The following ASXL1 variants were observed in gnomAD, a reference collection of about 807,000 sequenced individuals.
ASXL1 encodes the protein polycomb group protein ASXL1.
A neutral mutation model predicts 89.1 loss-of-function variants in ASXL1; 65 were observed. That is an observed-to-expected ratio of 0.73 (90% CI 0.60 to 0.90). The LOEUF (loss-of-function observed/expected upper bound fraction) is 0.90. Ranked by LOEUF, ASXL1 falls within the 40% of genes least tolerant of loss-of-function variation. The probability of loss-of-function intolerance (pLI) is 0.00; values close to 1 mark genes in which losing one functional copy is unlikely to be tolerated. For missense variants in ASXL1, 1,786 were observed against 1,942.9 expected (o/e 0.92, Z 1.52); for synonymous variants, 739 against 746.9 (o/e 0.99, Z 0.17).
chr20:32,376,222 GTTATT>G (rs1190945177), intron 4 of ASXL1, among the ~76,000 whole-genome samples: 5 of 152,022 alleles, frequency 3.3e-5, no homozygotes, highest in Admixed American at 6.6e-5. Context: ...GAAGACACCA[GTTATT>G]TTATTTTATT....
At position 32,435,660 on chromosome 20, in the gene ASXL1, T is replaced by G. The variant is rs34359205; in HGVS notation, c.2948T>G (p.Leu983Arg). 12 of 1,614,022 alleles carry G rather than the reference T, an allele frequency of 7.4e-6. No individual in the cohort carries two copies. Among genetic ancestry groups the G allele is most frequent in the Non-Finnish European group, 9.3e-6 (11 of 1,180,030 alleles). The change falls in exon 13 of 13, where the codon CTG (leucine) becomes CGG (arginine). Residue 983 changes from leucine (L) to arginine (R), a missense_variant. Physicochemically the swap from Leu to Arg is moderately radical, Grantham distance 102. Transcript: ENST00000375687. ...SYCQQVDIEK[L>R]KINGDSEALS... ...TGTCAACAGGTGGACATTGAAAAGC[T>G]GAAAATCAACGGAGACTCTGAAGCA...
rs2011726381 is a variant in ASXL1 at position 32,435,041 on chromosome 20, G to A, written c.2329G>A (p.Glu777Lys). The change falls in exon 13 of 13, where the codon GAG becomes AAG. Residue 777 changes from glutamate (E) to lysine (K), a missense_variant. Physicochemically the swap from Glu to Lys is moderately conservative, Grantham distance 56. Around this residue, in one of 3 missense-constraint regions of ASXL1, gnomAD observed 1,418 missense variants for 1,427.8 expected, o/e 0.99. Coordinates refer to ENST00000375687, the MANE Select transcript of ASXL1 (RefSeq NM_015338.6). ...SQTSVAERLV[E>K]QPQLHPDVRT... is the part of the protein sequence containing the mutation. ...AACCTCAGTAGCTGAGAGATTAGTG[G>A]AGCAGCCTCAGTTGCATCCGGATGT... 1 of 1,614,040 alleles carries A rather than the reference G, an allele frequency of 6.2e-7. No individual in the cohort carries two copies. The highest frequency in any genetic ancestry group is 8.5e-7 in the Non-Finnish European group (1 of 1,180,040).
Position 32,434,611 on chromosome 20 carries a change from T to TA in ASXL1, c.1900dup (p.Arg634LysfsTer24). On this transcript the variant is annotated frameshift_variant, in exon 13 of 13. Transcript: ENST00000375687. LOFTEE classifies it low-confidence loss of function (END_TRUNC). ...GAGGGGCGAGAGGTCACCACTGCCA[T>TA]AGAGAGGCGGCCACCACTGCCATCG... The TA allele has an allele frequency of 1.2e-6, 2 of 1,610,942 alleles. No homozygotes were observed. The highest frequency in any genetic ancestry group is 1.7e-6 in the Non-Finnish European group (2 of 1,178,662).
At position 32,379,695 on chromosome 20, in the gene ASXL1, G is replaced by A. The variant is rs184138287; in HGVS notation, c.252+10572G>A. ...ATGAAAATTAGCTGGGATTACAGGC[G>A]GGCACCTGTAATCCCAGCTACTAGG... On this transcript the variant is annotated intron_variant, in intron 4 of 12. Coordinates refer to ENST00000375687, the MANE Select transcript of ASXL1 (RefSeq NM_015338.6). 4.4e-3 allele frequency among the ~76,000 whole-genome samples: 661 copies of A among 151,298 alleles called. 17 individuals are homozygous for A. The highest frequency in any genetic ancestry group is 0.036 in the Admixed American group (552 of 15,174).
In ASXL1 at chr20:32,434,604, A is replaced by G. The variant is rs758334915; in HGVS notation, c.1892A>G (p.His631Arg). Residue 631 changes from histidine to arginine, a missense_variant, in exon 13 of 13, where the codon CAC becomes CGC. His to Arg is a conservative substitution (Grantham distance 29). Coordinates refer to ENST00000375687, the MANE Select transcript of ASXL1 (RefSeq NM_015338.6). ...CAGGTCCGAGGGGCGAGAGGTCACC[A>G]CTGCCATAGAGAGGCGGCCACCACT... ...ALQVRGARGH[H>R]CHREAATTAI... is the part of the protein sequence containing the mutation. 2 of 1,611,834 alleles carry G rather than the reference A, an allele frequency of 1.2e-6. No individual in the cohort carries two copies. Among genetic ancestry groups the G allele is most frequent in the Admixed American group, 3.3e-5 (2 of 59,950 alleles).
chr20:32,428,527 G>A, intron 6 of ASXL1, 105 bp downstream of exon 6: 1 of 1,116,138 alleles, frequency 9.0e-7, no homozygotes, highest in African/African-American at 1.5e-5. Flanking sequence ...AGAGAGTGAA[G>A]AATAGAAGTC....
intron 1 of ASXL1, among the ~76,000 whole-genome samples, chr20:32,365,914 G>A (rs1337984505): frequency 1.3e-5 from 2 of 152,092 alleles, no homozygotes; most frequent in Non-Finnish European, 2.9e-5. Flanking sequence ...AGGCTGAGGC[G>A]GGCAGATCAC....
chr20:32,421,202 T>C (rs111349785), intron 4 of ASXL1, among the ~76,000 whole-genome samples: 3,197 of 151,294 alleles, frequency 0.021, 110 homozygotes, highest in African/African-American at 0.074. Flanking sequence ...AACCTGCACA[T>C]TCTGCACATG....
intron 4 of ASXL1, among the ~76,000 whole-genome samples, chr20:32,406,115 CAT>C (rs1393556366): frequency 6.6e-6 from 1 of 152,122 alleles, no homozygotes; most frequent in Non-Finnish European, 1.5e-5. Flanking sequence ...CATACATACA[CAT>C]ATGTTCACTC....
intron 1 of ASXL1, chr20:32,360,661 C>T (rs1158212482): frequency 1.3e-5 from 2 of 156,936 alleles, no homozygotes; most frequent in East Asian, 3.1e-4. Flanking sequence ...TCTCAAAGTT[C>T]TGTTGGCTCT....
intron 1 of ASXL1, chr20:32,359,036 C>T: frequency 1.6e-6 from 1 of 613,760 alleles, no homozygotes. Flanking sequence ...TTTCCGCTCG[C>T]CCTCGCGCCC....
At chr20:32,398,630 G>A (rs1294447803) in intron 4 of ASXL1, among the ~76,000 whole-genome samples, 2 of 125,074 alleles carry the variant, frequency 1.6e-5, no homozygotes, top group Non-Finnish European at 3.3e-5. Flanking sequence ...TTTTTTTTGA[G>A]ACGGAGTCTT....
intron 4 of ASXL1, among the ~76,000 whole-genome samples, chr20:32,419,343 C>G (rs2049198055): frequency 6.6e-6 from 1 of 151,986 alleles, no homozygotes; most frequent in South Asian, 2.1e-4. Flanking sequence ...GCTGAGACTA[C>G]AGGTGCGCGT....
rs763784731 is a variant in ASXL1 at position 32,436,539 on chromosome 20, C to G, written c.3827C>G (p.Ser1276Cys). 6.2e-7 allele frequency: 1 copy of G among 1,614,226 alleles called. No individual in the cohort carries two copies. The highest frequency in any genetic ancestry group is 1.3e-5 in the African/African-American group (1 of 75,060). ...LTTSRTPRFS[S>C]PNVISFGPEQ... ...ACCTCGAGAACACCTCGTTTCTCATCTCCAAATGTGATCTCCTTTGGTCCA... is the reference window on the plus strand; with the variant it reads ...ACCTCGAGAACACCTCGTTTCTCATGTCCAAATGTGATCTCCTTTGGTCCA... The change falls in exon 13 of 13, where the codon TCT (serine) becomes TGT (cysteine). Residue 1276 changes from serine to cysteine, a missense_variant. Ser to Cys is a moderately radical substitution (Grantham distance 112). Around this residue, in one of 3 missense-constraint regions of ASXL1, gnomAD observed 1,418 missense variants for 1,427.8 expected, o/e 0.99. Transcript: ENST00000375687.
intron 4 of ASXL1, among the ~76,000 whole-genome samples, chr20:32,401,836 G>A (rs1457830990): frequency 1.3e-5 from 2 of 151,784 alleles, no homozygotes; most frequent in Non-Finnish European, 2.9e-5. Context: ...GATTACAGGC[G>A]TGAGCCACTG....
intron 2 of ASXL1, 77 bp downstream of exon 2, chr20:32,366,543 A>T (rs1311656868): frequency 1.9e-6 from 3 of 1,609,546 alleles, no homozygotes; most frequent in Middle Eastern, 1.7e-4. Flanking sequence ...GATATGAGTA[A>T]GTACACCTGT....
chr20:32,399,549 CT>C (rs1357635961), intron 4 of ASXL1, among the ~76,000 whole-genome samples: 1 of 132,242 alleles, frequency 7.6e-6, no homozygotes, highest in Non-Finnish European at 1.6e-5. Context: ...TTTAATTTCT[CT>C]TTTCTTTTTA....
At chr20:32,369,677 A>G (rs949356502) in intron 4 of ASXL1, among the ~76,000 whole-genome samples, 1 of 150,166 alleles carries the variant, frequency 6.7e-6, no homozygotes, top group African/African-American at 2.4e-5. Flanking sequence ...TGTAGATTGT[A>G]CAAAACTGAA....
At position 32,358,683 on chromosome 20, in the gene ASXL1, C is replaced by G. The variant is rs534633106; in HGVS notation, c.-93C>G. On this transcript the variant is annotated 5_prime_UTR_variant, in exon 1 of 13. Coordinates refer to ENST00000375687, the MANE Select transcript of ASXL1 (RefSeq NM_015338.6). Reference sequence around the variant, plus strand: ...GCGCCGCCGCTGCCACGCGCCCCCCCCACCGCCGCCGCCGCCCCAGCCCCG... The same window carrying G: ...GCGCCGCCGCTGCCACGCGCCCCCCGCACCGCCGCCGCCGCCCCAGCCCCG... The G allele has an allele frequency of 3.1e-3, 1,594 of 518,054 alleles. 69 individuals carry two copies. The Admixed American group carries it at 0.071, about 23-fold the overall frequency. 32.1% of individuals were successfully genotyped at this position (518,054 alleles called of 1,614,324 possible). A position where few individuals can be genotyped will look rare whatever the true frequency, so the allele number is the denominator to read the frequency against.
Sources: gnomAD v4.1 joint callset for allele counts (sites outside exome capture counted in the v4.1 genomes callset) on GRCh38, gnomAD v4.1.1 for gene constraint, gnomAD v4.1.1 regional missense constraint, MANE v1.5 for transcripts, NCBI Gene and HGNC (gene_info 2026-07-23, HGNC 2026-07-21) for gene names.